DSCAM: variants seen among roughly 807,000 people sequenced by gnomAD.
The protein encoded by DSCAM is cell adhesion molecule DSCAM.
Under a neutral mutation model 217.7 loss-of-function variants are expected in DSCAM, and 47 were observed. The ratio of observed to expected loss-of-function variants is 0.22; its 90% confidence interval spans 0.17 to 0.28. The LOEUF (loss-of-function observed/expected upper bound fraction) is 0.28. DSCAM is among the 10% of genes least tolerant of loss of function. DSCAM has a pLI of 1.00. For missense variants in DSCAM, 2,080 were observed against 2,618.3 expected (o/e 0.79, Z 4.49); for synonymous variants, 1,056 against 1,015.3 (o/e 1.04, Z -0.76).
chr21:40,784,389 G>A (rs894751066), intron 1 of DSCAM, among the ~76,000 whole-genome samples: 2 of 152,076 alleles, frequency 1.3e-5, no homozygotes, highest in African/African-American at 2.4e-5. Context: ...TGATTGTGAG[G>A]CCTCCCCAGC....
At chr21:40,741,949 C>A (rs2091128122) in intron 1 of DSCAM, among the ~76,000 whole-genome samples, 1 of 152,032 alleles carries the variant, frequency 6.6e-6, no homozygotes, top group Non-Finnish European at 1.5e-5. Flanking sequence ...GCTGAGAATA[C>A]AAGATAGATA....
At position 40,714,824 on chromosome 21, in the gene DSCAM, C is replaced by T. The variant is rs75474861; in HGVS notation, c.44-6053G>A. On this transcript the variant is annotated intron_variant, in intron 1 of 32. Coordinates refer to ENST00000400454, the MANE Select transcript of DSCAM (RefSeq NM_001389.5). ...TTCAGGAGGCCAGGGCAGAATACCACGATTTGAATGTTCCTGCCAAAACTC... is the reference window on the plus strand; with the variant it reads ...TTCAGGAGGCCAGGGCAGAATACCATGATTTGAATGTTCCTGCCAAAACTC... 3.9e-3 allele frequency among the ~76,000 whole-genome samples: 593 copies of T among 152,280 alleles called. 11 individuals carry two copies. Among genetic ancestry groups the T allele is most frequent in the African/African-American group, 0.013 (523 of 41,554 alleles).
intron 11 of DSCAM, among the ~76,000 whole-genome samples, chr21:40,225,192 G>C (rs765987304): frequency 6.6e-6 from 1 of 152,196 alleles, no homozygotes; most frequent in Non-Finnish European, 1.5e-5. Flanking sequence ...GTGAATGATA[G>C]ATGAGTGTAC....
intron 5 of DSCAM, among the ~76,000 whole-genome samples, chr21:40,348,432 G>A (rs1189523217): frequency 6.6e-6 from 1 of 151,754 alleles, no homozygotes; most frequent in Non-Finnish European, 1.5e-5. Context: ...CCACATTATT[G>A]CAATCATACC....
chr21:40,170,587 C>T (rs917729503), intron 15 of DSCAM, among the ~76,000 whole-genome samples: 3 of 152,168 alleles, frequency 2.0e-5, no homozygotes, highest in Non-Finnish European at 4.4e-5. Flanking sequence ...CCTCTGCACC[C>T]AATTTCTTGC....
intron 26 of DSCAM, among the ~76,000 whole-genome samples, chr21:40,078,324 G>A (rs1198529812): frequency 6.6e-6 from 1 of 152,150 alleles, no homozygotes; most frequent in Non-Finnish European, 1.5e-5. Context: ...TATGTGGATT[G>A]GGATGAGGTG....
chr21:40,097,954 A>AAAAAGAAAGAAAG (rs1555877400), intron 20 of DSCAM, among the ~76,000 whole-genome samples: 2 of 51,516 alleles, frequency 3.9e-5, no homozygotes, highest in Non-Finnish European at 7.1e-5. Context: ...AAAAAAAAAA[A>AAAAAGAAAGAAAG]AAAGAAAGAA....
intron 11 of DSCAM, among the ~76,000 whole-genome samples, chr21:40,268,288 A>C (rs569281656): frequency 6.6e-6 from 1 of 152,284 alleles, no homozygotes; most frequent in South Asian, 2.1e-4. Flanking sequence ...CATTCAGTGA[A>C]CCCTGCTGAT....
intron 10 of DSCAM, among the ~76,000 whole-genome samples, chr21:40,290,318 G>A (rs1304826903): frequency 6.6e-6 from 1 of 152,078 alleles, no homozygotes; most frequent in African/African-American, 2.4e-5. Context: ...CCAAATTATA[G>A]ACTAAAAATT....
chr21:40,246,984 G>T (rs2073234949), intron 11 of DSCAM, among the ~76,000 whole-genome samples: 1 of 152,110 alleles, frequency 6.6e-6, no homozygotes, highest in South Asian at 2.1e-4. Context: ...ATGGGGCGCA[G>T]GGAAAGGCAC....
intron 1 of DSCAM, among the ~76,000 whole-genome samples, chr21:40,755,568 GA>G (rs995546347): frequency 2.0e-5 from 3 of 152,152 alleles, no homozygotes; most frequent in African/African-American, 7.2e-5. Context: ...GGATTGGTAG[GA>G]GTGGAGAAAA....
intron 3 of DSCAM, among the ~76,000 whole-genome samples, chr21:40,474,712 T>C (rs2075919056): frequency 6.6e-6 from 1 of 152,188 alleles, no homozygotes; most frequent in African/African-American, 2.4e-5. Flanking sequence ...TCACAGGGGA[T>C]GGCAGCATCC....
intron 6 of DSCAM, among the ~76,000 whole-genome samples, chr21:40,346,441 ATAT>A (rs2074558820): frequency 6.6e-6 from 1 of 152,232 alleles, no homozygotes; most frequent in Non-Finnish European, 1.5e-5. Flanking sequence ...TTACTTTCAC[ATAT>A]TAGTGTGTTT....
intron 3 of DSCAM, among the ~76,000 whole-genome samples, chr21:40,412,074 G>A (rs1408237061): frequency 6.6e-6 from 1 of 152,186 alleles, no homozygotes; most frequent in Non-Finnish European, 1.5e-5. Flanking sequence ...TTTGCCTGCT[G>A]CCATCCATCT....
intron 3 of DSCAM, among the ~76,000 whole-genome samples, chr21:40,577,001 A>T (rs1476646089): frequency 2.3e-5 from 3 of 129,336 alleles, no homozygotes; most frequent in Non-Finnish European, 4.5e-5. Context: ...ACAATAAAAT[A>T]AAAAAAAAAA....
intron 1 of DSCAM, among the ~76,000 whole-genome samples, chr21:40,768,531 A>G (rs1435405044): frequency 2.6e-5 from 4 of 152,218 alleles, no homozygotes; most frequent in Non-Finnish European, 1.5e-5. Flanking sequence ...ACCTGTGAGG[A>G]AAAGATTAGA....
In DSCAM at chr21:40,055,622, C is replaced by T; in HGVS notation, c.5035+103G>A. 4 of 834,810 alleles carry T rather than the reference C, an allele frequency of 4.8e-6. No individual in the cohort carries two copies. The Admixed American group carries it at 7.6e-5, about 16-fold the overall frequency. The allele number at this position is 834,810 out of a possible 1,614,324, so 51.7% of individuals were successfully genotyped here. On this transcript the variant is annotated intron_variant, in intron 29 of 32. Coordinates refer to ENST00000400454, the MANE Select transcript of DSCAM (RefSeq NM_001389.5). The stretch of plus-strand genomic sequence containing the variant: ...CTAGCTTTGGTACTCACGTAGCCTT[C>T]AAGACGCTCTCCTGTCTAATATTTC...
At chr21:40,701,967 C>T (rs927248600) in intron 2 of DSCAM, among the ~76,000 whole-genome samples, 3 of 152,058 alleles carry the variant, frequency 2.0e-5, no homozygotes, top group Non-Finnish European at 4.4e-5. Flanking sequence ...GTGTCATTCA[C>T]GTGTTTTTTT....
chr21:40,399,689 C>T (rs536709746), intron 3 of DSCAM, among the ~76,000 whole-genome samples: 18 of 152,292 alleles, frequency 1.2e-4, no homozygotes, highest in Non-Finnish European at 2.1e-4. Context: ...AATGCTGCCA[C>T]GGTTTCTGTT....
Sources: allele counts gnomAD v4.1 joint callset (sites outside exome capture counted in the v4.1 genomes callset), GRCh38; gene constraint gnomAD v4.1.1; transcripts MANE v1.5; gene names NCBI Gene and HGNC (gene_info 2026-07-23, HGNC 2026-07-21).